The following ATM variants were observed in gnomAD, a reference collection of about 807,000 sequenced individuals.
The protein encoded by ATM is ATM serine/threonine kinase.
In ATM, 308 loss-of-function variants were observed where a neutral mutation model predicts 387.0. The observed-to-expected ratio is 0.80, with a 90% CI of 0.73 to 0.87. The LOEUF is 0.87. Among genes scored for constraint, ATM ranks in the 40% least tolerant of loss-of-function variants. ATM has a pLI of 0.00. For missense variants in ATM, 3,312 were observed against 3,560.9 expected, an observed-to-expected ratio of 0.93 and a Z score of 1.78; for synonymous variants, 1,156 against 1,187.3, an observed-to-expected ratio of 0.97 and a Z score of 0.54.
intron 1 of ATM, chr11:108,223,484 C>G (rs1439694580): frequency 3.9e-5 from 6 of 152,234 alleles, no homozygotes; most frequent in Admixed American, 2.6e-4. Flanking sequence ...TGATCTCTCT[C>G]TCGTATTTAG....
rs762089971 is a variant in ATM, at chr11:108,229,207, CAG to C, written c.217_218del (p.Glu73MetfsTer26). 1.9e-6 allele frequency: 3 copies of C among 1,612,920 alleles called. No homozygotes were observed. The highest frequency in any genetic ancestry group is 1.1e-5 in the South Asian group (1 of 90,754). On this transcript the variant is annotated frameshift_variant, in exon 4 of 63. Coordinates refer to ENST00000675843, the MANE Select transcript of ATM (RefSeq NM_000051.4). LOFTEE classifies it high-confidence loss of function. ...TTACAGAAATATATTCAGAAAGAAA[CAG>C]AATGTCTGAGAATAGCAAAACCAAA...
chr11:108,236,207 A>C (rs1199193263), intron 5 of ATM: 1 of 268,324 alleles, frequency 3.7e-6, no homozygotes, highest in East Asian at 1.0e-4. Context: ...CTCAACCATG[A>C]TTTAAGTAGA....
intron 47 of ATM, 53 bp downstream of exon 47, chr11:108,326,278 C>G: frequency 6.3e-7 from 1 of 1,592,750 alleles, no homozygotes; most frequent in South Asian, 1.1e-5. Context: ...TAAAAAAACA[C>G]AAATGTACTT....
intron 43 of ATM, among the ~76,000 whole-genome samples, chr11:108,317,947 T>C (rs1175026558): frequency 1.3e-5 from 2 of 152,104 alleles, no homozygotes; most frequent in African/African-American, 2.4e-5. Context: ...CCAAGAAAAG[T>C]ATAGGCATTC....
intron 37 of ATM, among the ~76,000 whole-genome samples, chr11:108,306,687 A>G (rs944051952): frequency 1.3e-5 from 2 of 152,230 alleles, no homozygotes; most frequent in African/African-American, 4.8e-5. Context: ...AAGGAAATAC[A>G]TATTTTTGTA....
At chr11:108,281,255 A>C in intron 24 of ATM, 87 bp downstream of exon 24, 1 of 1,382,536 alleles carries the variant, frequency 7.2e-7, no homozygotes. Flanking sequence ...TCTGAGTGGC[A>C]CTTATTTAAG....
In ATM at chr11:108,297,232, A is replaced by G; in HGVS notation, c.4910-55A>G. ...TAATTTAATATATATGCAATTATAA[A>G]CAAAAGTGTTGTCTTCATGCTAGTT... On this transcript the variant is annotated intron_variant, in intron 32 of 62. Coordinates refer to ENST00000675843, the MANE Select transcript of ATM (RefSeq NM_000051.4). 3 of 1,431,834 alleles carry G rather than the reference A, an allele frequency of 2.1e-6. No individual in the cohort carries two copies. In the Admixed American group the frequency reaches 5.1e-5, roughly 24 times the overall value. 88.7% of individuals were successfully genotyped at this position (1,431,834 alleles called of 1,614,324 possible).
intron 16 of ATM, among the ~76,000 whole-genome samples, chr11:108,262,062 G>C (rs1362631053): frequency 6.6e-6 from 1 of 152,130 alleles, no homozygotes; most frequent in East Asian, 1.9e-4. Context: ...ACACTCTGCA[G>C]GATATTATCC....
intron 55 of ATM, 21 bp from the exon 56 acceptor site, chr11:108,335,824 T>C: frequency 6.3e-7 from 1 of 1,585,950 alleles, no homozygotes. Flanking sequence ...ACTTGTTTAT[T>C]CATGCTTAAT....
intron 59 of ATM, among the ~76,000 whole-genome samples, chr11:108,351,158 A>T (rs962777512): frequency 6.6e-6 from 1 of 152,214 alleles, no homozygotes; most frequent in South Asian, 2.1e-4. Flanking sequence ...AAAAGAGTAC[A>T]CATGTATAAT....
chr11:108,235,378 A>C (rs1332440926), intron 4 of ATM, among the ~76,000 whole-genome samples: 1 of 152,124 alleles, frequency 6.6e-6, no homozygotes, highest in Non-Finnish European at 1.5e-5. Context: ...TAAAGAGGCC[A>C]GATAGTAAAT....
intron 40 of ATM, among the ~76,000 whole-genome samples, chr11:108,315,039 C>A (rs1483405740): frequency 2.0e-5 from 3 of 152,158 alleles, no homozygotes; most frequent in Non-Finnish European, 4.4e-5. Context: ...GCACCTCCAG[C>A]CACTGTGGTG....
intron 15 of ATM, among the ~76,000 whole-genome samples, chr11:108,257,825 T>A (rs1565397987): frequency 6.6e-6 from 1 of 152,188 alleles, no homozygotes; most frequent in Non-Finnish European, 1.5e-5. Context: ...AGGGAATTGA[T>A]CACTGGTTGG....
chr11:108,244,280 C>T (rs898244919), intron 6 of ATM, among the ~76,000 whole-genome samples, 162 bp downstream of exon 6: 1 of 152,186 alleles, frequency 6.6e-6, no homozygotes, highest in Non-Finnish European at 1.5e-5. Flanking sequence ...CCAACACTTT[C>T]TGAATATCCA....
chr11:108,314,148 C>T (rs2084405916), intron 40 of ATM, among the ~76,000 whole-genome samples: 1 of 151,982 alleles, frequency 6.6e-6, no homozygotes. Context: ...CAGGATCTGG[C>T]TCTGTTGCCC....
chr11:108,275,086 C>T (rs1025322084), intron 22 of ATM, among the ~76,000 whole-genome samples: 2 of 152,198 alleles, frequency 1.3e-5, no homozygotes, highest in African/African-American at 4.8e-5. Flanking sequence ...ATAGTTAGCA[C>T]TTCTTGTTGC....
intron 9 of ATM, among the ~76,000 whole-genome samples, chr11:108,249,472 A>G (rs2080023251): frequency 6.6e-6 from 1 of 152,240 alleles, no homozygotes; most frequent in African/African-American, 2.4e-5. Context: ...GTTAAAGATA[A>G]TCTTAAGAAA....
Position 108,365,689 on chromosome 11 carries a change from A to G in ATM, c.*181A>G. The G allele has an allele frequency of 3.9e-6, 3 of 770,102 alleles. No individual in the cohort carries two copies. In the East Asian group the frequency reaches 8.1e-5, roughly 21 times the overall value. 47.7% of individuals were successfully genotyped at this position (770,102 alleles called of 1,614,324 possible). A position where few individuals can be genotyped will look rare whatever the true frequency, so the allele number is the denominator to read the frequency against. ...ACTCAAAAATGTTTTGATGGTCTTA[A>G]GGAACATCTCTGCTTTCACTCTTTA... On this transcript the variant is annotated 3_prime_UTR_variant, in exon 63 of 63. Coordinates refer to ENST00000675843, the MANE Select transcript of ATM (RefSeq NM_000051.4).
chr11:108,256,474 G>A, intron 14 of ATM, 134 bp downstream of exon 14: 1 of 834,234 alleles, frequency 1.2e-6, no homozygotes, highest in Admixed American at 2.6e-5. Flanking sequence ...TGTAATGTGA[G>A]AAGAAATTAT....
Sources: gnomAD v4.1 joint callset for allele counts (sites outside exome capture counted in the v4.1 genomes callset) on GRCh38, gnomAD v4.1.1 for gene constraint, MANE v1.5 for transcripts, NCBI Gene and HGNC (gene_info 2026-07-23, HGNC 2026-07-21) for gene names.